PHF24: variants seen among roughly 807,000 people sequenced by gnomAD.
PHF24 encodes the protein Galpha inhibitory interacting protein.
A neutral mutation model predicts 42.6 loss-of-function variants in PHF24; 25 were observed. That is an observed-to-expected ratio of 0.59 (90% CI 0.43 to 0.82). The LOEUF is 0.82. Ranked by LOEUF, PHF24 falls within the 40% of genes least tolerant of loss-of-function variation. The pLI is 0.00. For synonymous variants in PHF24, 185 were observed against 204.8 expected (o/e 0.90, Z 0.83); for missense variants, 470 against 538.1 (o/e 0.87, Z 1.25).
the PHF24 span, among the ~76,000 whole-genome samples, chr9:34,860,810 G>A: frequency 2.0e-5 from 3 of 152,134 alleles, no homozygotes; most frequent in Admixed American, 6.5e-5. Flanking sequence ...TGGGGTAACT[G>A]AGCCACATTA....
chr9:34,750,022 T>A, the PHF24 span, among the ~76,000 whole-genome samples: 1 of 152,026 alleles, frequency 6.6e-6, no homozygotes, highest in East Asian at 1.9e-4. Flanking sequence ...TTAAACACTT[T>A]CCCAGGCAAA....
chr9:34,914,077 C>G, the PHF24 span, among the ~76,000 whole-genome samples: 3 of 152,124 alleles, frequency 2.0e-5, no homozygotes, highest in Non-Finnish European at 4.4e-5. Context: ...CTCAGGTCTC[C>G]TAAATCAATT....
At chr9:34,947,959 A>T in the PHF24 span, among the ~76,000 whole-genome samples, 1 of 152,016 alleles carries the variant, frequency 6.6e-6, no homozygotes, top group Non-Finnish European at 1.5e-5. Context: ...ATACAAAAAA[A>T]TTAGCCGGGC....
chr9:34,711,814 A>G, the PHF24 span, among the ~76,000 whole-genome samples: 1 of 152,176 alleles, frequency 6.6e-6, no homozygotes, highest in East Asian at 1.9e-4. Context: ...AAGTGCTGGG[A>G]TTACAGACAT....
At chr9:34,833,124 A>G in the PHF24 span, 146 of 1,551,384 alleles carry the variant, frequency 9.4e-5, no homozygotes, top group African/African-American at 8.9e-4. Context: ...CCTTCTCTGT[A>G]GTCCCTGGCT....
chr9:34,698,604 C>A, the PHF24 span, among the ~76,000 whole-genome samples: 1 of 152,160 alleles, frequency 6.6e-6, no homozygotes, highest in Non-Finnish European at 1.5e-5. Flanking sequence ...CCTCAGCCTC[C>A]TGAGTAGCTA....
At chr9:34,723,500 T>C in the PHF24 span, 1 of 1,551,708 alleles carries the variant, frequency 6.4e-7, no homozygotes, top group Non-Finnish European at 8.7e-7. Flanking sequence ...AACATTTTCT[T>C]TTCTGGTTTT....
chr9:34,751,422 G>A, the PHF24 span, among the ~76,000 whole-genome samples: 5,404 of 152,118 alleles, frequency 0.036, 304 homozygotes, highest in African/African-American at 0.12. Context: ...AGACAAAATA[G>A]ATTTGAAGAC....
At chr9:34,863,801 A>G in the PHF24 span, among the ~76,000 whole-genome samples, 35 of 152,374 alleles carry the variant, frequency 2.3e-4, no homozygotes, top group African/African-American at 8.2e-4. Context: ...AACCTAACTA[A>G]GGCACCAGGG....
chr9:34,878,095 A>G, the PHF24 span, among the ~76,000 whole-genome samples: 1 of 152,206 alleles, frequency 6.6e-6, no homozygotes, highest in African/African-American at 2.4e-5. Flanking sequence ...CCTCAATTGT[A>G]ACAAATGTAT....
the PHF24 span, among the ~76,000 whole-genome samples, chr9:34,727,335 T>C: frequency 6.6e-6 from 1 of 152,200 alleles, no homozygotes; most frequent in Non-Finnish European, 1.5e-5. Context: ...ACCAGGAACA[T>C]CACCAGTTAG....
chr9:34,763,178 C>T, the PHF24 span, among the ~76,000 whole-genome samples: 1,242 of 152,054 alleles, frequency 8.2e-3, 8 homozygotes, highest in African/African-American at 0.026. Flanking sequence ...CTTGGTGATG[C>T]GGGCTCTTTT....
the PHF24 span, among the ~76,000 whole-genome samples, chr9:34,788,031 C>CTGTTT: frequency 2.2e-3 from 338 of 152,058 alleles, 2 homozygotes; most frequent in African/African-American, 7.7e-3. Flanking sequence ...TCAGAAGCAA[C>CTGTTT]TGTTTTGTTT....
At chr9:34,921,790 C>T in the PHF24 span, among the ~76,000 whole-genome samples, 2 of 152,226 alleles carry the variant, frequency 1.3e-5, no homozygotes, top group South Asian at 2.1e-4. Context: ...ACAATTACTA[C>T]ACCTGTGACT....
chr9:34,907,318 T>C, the PHF24 span, among the ~76,000 whole-genome samples: 1 of 152,210 alleles, frequency 6.6e-6, no homozygotes, highest in Non-Finnish European at 1.5e-5. Flanking sequence ...ATTCCTTATT[T>C]CCTACTGTCC....
chr9:34,880,315 A>T, the PHF24 span, among the ~76,000 whole-genome samples: 1 of 152,262 alleles, frequency 6.6e-6, no homozygotes, highest in Non-Finnish European at 1.5e-5. Flanking sequence ...TAACCAGCTA[A>T]CATCATAATG....
At chr9:34,884,587 A>C in the PHF24 span, among the ~76,000 whole-genome samples, 1 of 152,296 alleles carries the variant, frequency 6.6e-6, no homozygotes. Flanking sequence ...TTAGGGGCAG[A>C]GGATGTTTTC....
At chr9:34,713,698 A>G in the PHF24 span, among the ~76,000 whole-genome samples, 3 of 152,086 alleles carry the variant, frequency 2.0e-5, no homozygotes, top group African/African-American at 4.8e-5. Flanking sequence ...GGAGTTTATT[A>G]TGGTATATGA....
At chr9:34,749,568 AT>A in the PHF24 span, among the ~76,000 whole-genome samples, 12 of 146,900 alleles carry the variant, frequency 8.2e-5, no homozygotes, top group African/African-American at 1.5e-4. Flanking sequence ...CCCTGTCTCA[AT>A]TTTTTTTTTC....
Sources: allele counts gnomAD v4.1 joint callset (sites outside exome capture counted in the v4.1 genomes callset), GRCh38; gene constraint gnomAD v4.1.1; transcripts MANE v1.5; gene names NCBI Gene and HGNC (gene_info 2026-07-23, HGNC 2026-07-21).